FAM227A: variants seen among roughly 807,000 people sequenced by gnomAD.
FAM227A encodes the protein protein FAM227A.
FAM227A carries 80 observed loss-of-function variants against 74.7 expected under a neutral mutation model. That is an observed-to-expected ratio of 1.07 (90% CI 0.89 to 1.29). The LOEUF (loss-of-function observed/expected upper bound fraction) is 1.29, where lower values mean the gene tolerates loss of function less well. Among genes scored for constraint, FAM227A ranks in the 50% most tolerant of loss-of-function variants. The pLI is 0.00. For missense variants in FAM227A, 654 were observed against 683.4 expected, an observed-to-expected ratio of 0.96 and a Z score of 0.48; for synonymous variants, 237 against 241.8, an observed-to-expected ratio of 0.98 and a Z score of 0.19.
rs757758332 is a variant in FAM227A, at chr22:38,597,358, T to C, written c.1380-2A>G. 6.4e-7 allele frequency: 1 copy of C among 1,551,706 alleles called. No individual in the cohort carries two copies. Among genetic ancestry groups the C allele is most frequent in the African/African-American group, 1.4e-5 (1 of 73,150 alleles). ...TCAGTATACGTTGGGGTGCAGTCAG[T>C]GGCTTCCGCTGTCAAGGAAATCCCC... On this transcript the variant is annotated splice_acceptor_variant, in intron 14 of 16. Coordinates refer to ENST00000535113, the MANE Select transcript of FAM227A (RefSeq NM_001013647.2). LOFTEE classifies it high-confidence loss of function.
chr22:38,625,974 G>GGATGTCTCA (rs1602998995), intron 9 of FAM227A, among the ~76,000 whole-genome samples: 1 of 151,622 alleles, frequency 6.6e-6, no homozygotes, highest in East Asian at 1.9e-4. Flanking sequence ...GATTAGGAAG[G>GGATGTCTCA]GATGTCTCAG....
chr22:38,600,116 A>G (rs1176225648), intron 13 of FAM227A, among the ~76,000 whole-genome samples, 195 bp from the exon 14 acceptor site: 3 of 152,152 alleles, frequency 2.0e-5, no homozygotes, highest in Non-Finnish European at 4.4e-5. Context: ...GATGTTTACT[A>G]TACATAGCAA....
At chr22:38,594,221 G>A (rs1569189191) in intron 15 of FAM227A, among the ~76,000 whole-genome samples, 1 of 152,068 alleles carries the variant, frequency 6.6e-6, no homozygotes, top group Non-Finnish European at 1.5e-5. Flanking sequence ...CTACATTGCT[G>A]CTTGCTGCTT....
intron 16 of FAM227A, among the ~76,000 whole-genome samples, chr22:38,587,631 T>C (rs185892557): frequency 8.5e-5 from 13 of 152,324 alleles, no homozygotes; most frequent in Admixed American, 1.3e-4. Context: ...AGGGCTTCAT[T>C]TGTGAATTCT....
chr22:38,626,913 T>TATATATATACAC (rs34078214), intron 8 of FAM227A, among the ~76,000 whole-genome samples: 3 of 89,836 alleles, frequency 3.3e-5, no homozygotes, highest in East Asian at 3.8e-4. Context: ...TATATATATA[T>TATATATATACAC]ACACGTATAT....
At chr22:38,617,292 CTTTTT>C (rs35990617) in intron 11 of FAM227A, among the ~76,000 whole-genome samples, 5 of 116,148 alleles carry the variant, frequency 4.3e-5, no homozygotes, top group South Asian at 5.5e-4. Context: ...TGAGAACAGA[CTTTTT>C]TTTTTTTTTT....
At chr22:38,625,671 C>T (rs1372151301) in intron 9 of FAM227A, among the ~76,000 whole-genome samples, 5 of 151,666 alleles carry the variant, frequency 3.3e-5, no homozygotes, top group Non-Finnish European at 7.4e-5. Flanking sequence ...AGGGGCCAGG[C>T]GCCATGGCTC....
intron 10 of FAM227A, among the ~76,000 whole-genome samples, chr22:38,620,795 T>A (rs1042677904): frequency 6.8e-6 from 1 of 147,882 alleles, no homozygotes; most frequent in Admixed American, 6.7e-5. Flanking sequence ...GGTGACATAA[T>A]GAGACTCCGT....
intron 1 of FAM227A, among the ~76,000 whole-genome samples, chr22:38,654,840 C>A (rs898704605): frequency 6.9e-6 from 1 of 144,464 alleles, no homozygotes; most frequent in Non-Finnish European, 1.5e-5. Flanking sequence ...CCCAGCTATT[C>A]GAGAGGCTGA....
chr22:38,593,650 C>G (rs2090986092), intron 15 of FAM227A, among the ~76,000 whole-genome samples: 1 of 152,142 alleles, frequency 6.6e-6, no homozygotes, highest in Non-Finnish European at 1.5e-5. Context: ...CTTACATGTT[C>G]AATCTCTCCC....
At position 38,650,271 on chromosome 22, in the gene FAM227A, C is replaced by A; in HGVS notation, c.-94-9G>T. On this transcript the variant is annotated splice_polypyrimidine_tract_variant and intron_variant, in intron 1 of 16. Transcript: ENST00000535113. ...TTTGTTTAATCAGCCTCCTGGAAAT[C>A]ATAAACAGCATAGAGCCAGCTCAGA... 8.7e-7 allele frequency: 1 copy of A among 1,150,390 alleles called. No homozygotes were observed. 71.3% of individuals were successfully genotyped at this position (1,150,390 alleles called of 1,614,324 possible). A position where few individuals can be genotyped will look rare whatever the true frequency, so the allele number is the denominator to read the frequency against.
chr22:38,615,093 T>G (rs919676893), intron 11 of FAM227A, among the ~76,000 whole-genome samples: 1 of 152,172 alleles, frequency 6.6e-6, no homozygotes, highest in Non-Finnish European at 1.5e-5. Flanking sequence ...GGCACGATCT[T>G]GGTTCACTGC....
chr22:38,653,526 G>A (rs553887725), intron 1 of FAM227A, among the ~76,000 whole-genome samples: 7 of 152,090 alleles, frequency 4.6e-5, no homozygotes, highest in Admixed American at 2.0e-4. Context: ...ACAGGTGCAC[G>A]CCACCATGCC....
In FAM227A at chr22:38,582,759, G is replaced by A; in HGVS notation, c.*3366C>T. ...CTGTATGGGGGCTAATAGTAGCGGT[G>A]GATAGGTAGACAGGCAATTCCAATC... is the stretch of plus-strand genomic sequence containing the variant. On this transcript the variant is annotated 3_prime_UTR_variant, in exon 17 of 17. Coordinates refer to ENST00000535113, the MANE Select transcript of FAM227A (RefSeq NM_001013647.2). 1 of 1,452,724 alleles carries A rather than the reference G, an allele frequency of 6.9e-7. No individual in the cohort carries two copies. The highest frequency in any genetic ancestry group is 1.4e-5 in the African/African-American group (1 of 71,258). The allele number at this position is 1,452,724 out of a possible 1,614,324, so 90.0% of individuals were successfully genotyped here.
At chr22:38,589,636 C>T (rs1385815680) in intron 16 of FAM227A, among the ~76,000 whole-genome samples, 2 of 152,084 alleles carry the variant, frequency 1.3e-5, no homozygotes, top group African/African-American at 2.4e-5. Context: ...AGAATGAAGA[C>T]AATATCCTAG....
rs1286142779 is a variant in FAM227A at position 38,636,123 on chromosome 22, AAAG to A, written c.519+325_519+327del. Among the ~76,000 whole-genome samples, 402 of 137,142 alleles carry A rather than the reference AAAG, an allele frequency of 2.9e-3. 2 individuals carry two copies. The highest frequency in any genetic ancestry group is 0.012 in the African/African-American group (383 of 31,870). The allele number at this position is 137,142 out of a possible 152,430, so 90.0% of individuals were successfully genotyped here. A position where few individuals can be genotyped will look rare whatever the true frequency, so the allele number is the denominator to read the frequency against. ...AGAAGGAAACAGAAAAGAAAAGAAA[AAAG>A]AGAGATTAAGCATACTCATATGCAT... is the stretch of plus-strand genomic sequence containing the variant. On this transcript the variant is annotated intron_variant, in intron 6 of 16. Coordinates refer to ENST00000535113, the MANE Select transcript of FAM227A (RefSeq NM_001013647.2).
intron 6 of FAM227A, among the ~76,000 whole-genome samples, chr22:38,634,436 C>CT (rs1364057169): frequency 6.6e-6 from 1 of 152,164 alleles, no homozygotes; most frequent in African/African-American, 2.4e-5. Context: ...TCTAATAACA[C>CT]TAATCATACA....
At chr22:38,639,906 C>G (rs777032553) in intron 3 of FAM227A, among the ~76,000 whole-genome samples, 182 bp from the exon 4 acceptor site, 2 of 152,144 alleles carry the variant, frequency 1.3e-5, no homozygotes, top group African/African-American at 2.4e-5. Flanking sequence ...ACATCATCCC[C>G]CAGAGTGTCC....
At chr22:38,627,776 G>T (rs991039445) in intron 8 of FAM227A, among the ~76,000 whole-genome samples, 1 of 151,748 alleles carries the variant, frequency 6.6e-6, no homozygotes, top group Non-Finnish European at 1.5e-5. Context: ...GCTAATTTTT[G>T]TATCTTTAGT....
Sources: gnomAD v4.1 joint callset for allele counts (sites outside exome capture counted in the v4.1 genomes callset) on GRCh38, gnomAD v4.1.1 for gene constraint, MANE v1.5 for transcripts, NCBI Gene and HGNC (gene_info 2026-07-23, HGNC 2026-07-21) for gene names.